Variants in HLA-DQB2 observed in about 807,000 individuals in gnomAD.
HLA-DQB2 encodes the protein major histocompatibility complex, class II, DQ beta 2.
Under a neutral mutation model 29.2 loss-of-function variants are expected in HLA-DQB2, and 24 were observed. The ratio of observed to expected loss-of-function variants is 0.82; its 90% CI spans 0.60 to 1.16. The LOEUF (loss-of-function observed/expected upper bound fraction) is 1.16, where lower values mean the gene tolerates loss of function less well. Ranked by LOEUF, HLA-DQB2 falls within the 50% of genes most tolerant of loss-of-function variation. The pLI, the probability that HLA-DQB2 is intolerant of heterozygous loss-of-function variation, is 0.00. For synonymous variants in HLA-DQB2, 104 were observed against 133.1 expected, an observed-to-expected ratio of 0.78 and a Z score of 1.51; for missense variants, 273 against 343.6, an observed-to-expected ratio of 0.79 and a Z score of 1.62.
intron 1 of HLA-DQB2, 91 bp from the exon 2 acceptor site, chr6:32,762,017 C>T: frequency 6.6e-7 from 1 of 1,504,228 alleles, no homozygotes; most frequent in Admixed American, 2.2e-5. Flanking sequence ...CTGCCCTGAC[C>T]CGGCCAGCAG....
chr6:32,762,594 T>C (rs1764950543), intron 1 of HLA-DQB2, among the ~76,000 whole-genome samples: 1 of 141,184 alleles, frequency 7.1e-6, no homozygotes, highest in Non-Finnish European at 1.6e-5. Flanking sequence ...CCAATTAAAC[T>C]GAGTCAATCA....
Position 32,761,798 on chromosome 6 carries a change from G to A in HLA-DQB2, c.226C>T (p.Gln76Ter). The A allele has an allele frequency of 6.3e-7, 1 of 1,596,264 alleles. No homozygotes were observed. Among genetic ancestry groups the A allele is most frequent in the Admixed American group, 1.7e-5 (1 of 57,710 alleles). Residue 76 changes from glutamine to a stop codon, truncating the protein, a stop_gained, in exon 2 of 6, where the codon CAG becomes TAG. Transcript: ENST00000437316. LOFTEE classifies it high-confidence loss of function. Reference sequence around the variant, plus strand: ...CTCCGCCCCAGCTCGGTCACCGCCTGGAACTCCCCAACGTCGCTGTCGAAG... The same window carrying A: ...CTCCGCCCCAGCTCGGTCACCGCCTAGAACTCCCCAACGTCGCTGTCGAAG... ...GRFDSDVGEF[Q>*]AVTELGRSIE...
chr6:32,759,265 C>T, intron 2 of HLA-DQB2, 134 bp from the exon 3 acceptor site: 1 of 894,794 alleles, frequency 1.1e-6, no homozygotes. Flanking sequence ...ATTAAGGTTC[C>T]TTCAACAAAT....
chr6:32,761,618 C>T (rs1486719246), intron 2 of HLA-DQB2, 42 bp downstream of exon 2: 15 of 1,515,000 alleles, frequency 9.9e-6, no homozygotes, highest in Non-Finnish European at 1.3e-5. Context: ...AGACTCGGGC[C>T]CCGGCCAAGG....
intron 5 of HLA-DQB2, 60 bp downstream of exon 5, chr6:32,757,221 T>C (rs771853713): frequency 7.1e-6 from 11 of 1,549,562 alleles, no homozygotes; most frequent in Middle Eastern, 1.7e-4. Context: ...GGTTTCACCA[T>C]GGCTCTTCCC....
Position 32,757,890 on chromosome 6 carries a change from A to C in HLA-DQB2, c.647-7T>G. 1 of 1,546,244 alleles carries C rather than the reference A, an allele frequency of 6.5e-7. No homozygotes were observed. On this transcript the variant is annotated splice_polypyrimidine_tract_variant and splice_region_variant and intron_variant, in intron 3 of 5. Coordinates refer to ENST00000437316, the MANE Select transcript of HLA-DQB2 (RefSeq NM_001300790.2). ...GCAGATTCAGACTGAGCCCCTAAGG[A>C]GCAGAACTGAGTGTGAGTGTTTGTC...
At chr6:32,757,127 C>A in intron 5 of HLA-DQB2, 154 bp downstream of exon 5, 2 of 1,459,058 alleles carry the variant, frequency 1.4e-6, no homozygotes, top group Non-Finnish European at 1.8e-6. Context: ...TCAAGTGATT[C>A]TCTTGCCTCA....
At chr6:32,760,357 T>C (rs1056970426) in intron 2 of HLA-DQB2, among the ~76,000 whole-genome samples, 9 of 151,944 alleles carry the variant, frequency 5.9e-5, no homozygotes, top group Non-Finnish European at 8.8e-5. Flanking sequence ...AGACGAGTAT[T>C]GAAGAACATA....
rs1191168027 is a variant in HLA-DQB2 at position 32,756,186 on chromosome 6, G to A, written c.*267C>T. On this transcript the variant is annotated 3_prime_UTR_variant, in exon 6 of 6. Coordinates refer to ENST00000437316, the MANE Select transcript of HLA-DQB2 (RefSeq NM_001300790.2). ...CATGCTTCTCTTGACAGGTCTGTGG[G>A]GGGAGAATGGAAACAGAGATGCCCC... The A allele has an allele frequency of 3.9e-6, 2 of 508,130 alleles. No individual in the cohort carries two copies. Among genetic ancestry groups the A allele is most frequent in the Non-Finnish European group, 3.5e-6 (1 of 287,304 alleles). The allele number at this position is 508,130 out of a possible 1,614,324, so 31.5% of individuals were successfully genotyped here.
intron 5 of HLA-DQB2, chr6:32,756,965 A>C: frequency 8.1e-7 from 1 of 1,240,046 alleles, no homozygotes; most frequent in African/African-American, 1.5e-5. Context: ...TAACCCTCAT[A>C]GCAGCAAACA....
chr6:32,761,942 G>A lies in HLA-DQB2; in HGVS notation c.98-16C>T. ...AAGAAATCCTCTGCGGAGAATCACG[G>A]CGGGTCAGTCAGGCCCCAGCACGGC... On this transcript the variant is annotated splice_polypyrimidine_tract_variant and intron_variant, in intron 1 of 5. Transcript: ENST00000437316. 4.4e-6 allele frequency: 7 copies of A among 1,595,260 alleles called. No individual in the cohort carries two copies. Among genetic ancestry groups the A allele is most frequent in the Non-Finnish European group, 6.0e-6 (7 of 1,171,688 alleles).
intron 5 of HLA-DQB2, 46 bp from the exon 6 acceptor site, chr6:32,756,512 G>A: frequency 6.4e-7 from 1 of 1,560,148 alleles, no homozygotes; most frequent in Non-Finnish European, 8.7e-7. Context: ...TACCCTGAGG[G>A]ACACACCCTC....
chr6:32,757,646 C>A, intron 4 of HLA-DQB2, 127 bp downstream of exon 4: 1 of 915,938 alleles, frequency 1.1e-6, no homozygotes, highest in Non-Finnish European at 1.7e-6. Context: ...CTCCTCCAAT[C>A]TTGTCCTGTC....
In HLA-DQB2 at chr6:32,757,914, T is replaced by TCCCCACAC. The variant is rs774026196; in HGVS notation, c.647-39_647-32dup. ...GAGCAGAACTGAGTGTGAGTGTTTGTCCCCACACCCCATAATGTCCTTGGT... is the reference window on the plus strand; with the variant it reads ...GAGCAGAACTGAGTGTGAGTGTTTGTCCCCACACCCCCACACCCCATAATGTCCTTGGT... On this transcript the variant is annotated intron_variant, in intron 3 of 5. Coordinates refer to ENST00000437316, the MANE Select transcript of HLA-DQB2 (RefSeq NM_001300790.2). 5.0e-6 allele frequency: 8 copies of TCCCCACAC among 1,584,462 alleles called. No homozygotes were observed. In the South Asian group the frequency reaches 9.1e-5, roughly 18 times the overall value.
intron 5 of HLA-DQB2, 122 bp downstream of exon 5, chr6:32,757,159 A>T: frequency 6.7e-7 from 1 of 1,494,602 alleles, no homozygotes; most frequent in Non-Finnish European, 9.1e-7. Context: ...AGCCGGGATT[A>T]CAGATGCACA....
In HLA-DQB2 at chr6:32,759,024, A is replaced by T; in HGVS notation, c.472T>A (p.Trp158Arg). The T allele has an allele frequency of 6.2e-7, 1 of 1,614,250 alleles. No homozygotes were observed. The highest frequency in any genetic ancestry group is 1.3e-5 in the African/African-American group (1 of 75,072). ...DFYPAQIKVR[W>R]FRNDQEETAG... ...GTCTCCTCCTGGTCATTCCGAAACCACCGGACTTTGATCTGGGCTGGATAG... is the reference window on the plus strand; with the variant it reads ...GTCTCCTCCTGGTCATTCCGAAACCTCCGGACTTTGATCTGGGCTGGATAG... Residue 158 changes from tryptophan to arginine, a missense_variant, in exon 3 of 6, where the codon TGG becomes AGG. Physicochemically the swap from Trp to Arg is moderately radical, Grantham distance 101. Transcript: ENST00000437316.
In HLA-DQB2 at chr6:32,756,118, T is replaced by G; in HGVS notation, c.*335A>C. 1 of 365,334 alleles carries G rather than the reference T, an allele frequency of 2.7e-6. No individual in the cohort carries two copies. 22.6% of individuals were successfully genotyped at this position (365,334 alleles called of 1,614,324 possible). On this transcript the variant is annotated 3_prime_UTR_variant, in exon 6 of 6. Coordinates refer to ENST00000437316, the MANE Select transcript of HLA-DQB2 (RefSeq NM_001300790.2). The stretch of plus-strand genomic sequence containing the variant: ...ACAGATAACTCAGAATCAGGTTTAA[T>G]TATGGGAAAAAGCACTAAAGTCAGG...
At chr6:32,756,843 G>T in intron 5 of HLA-DQB2, 1 of 1,184,868 alleles carries the variant, frequency 8.4e-7, no homozygotes, top group Non-Finnish European at 1.0e-6. Context: ...TCACATTCAA[G>T]ATGTGGCTCT....
Position 32,757,513 on chromosome 6 carries a change from T to C in HLA-DQB2, c.758-209A>G, listed in dbSNP as rs112575584. On this transcript the variant is annotated intron_variant, in intron 4 of 5. Coordinates refer to ENST00000437316, the MANE Select transcript of HLA-DQB2 (RefSeq NM_001300790.2). ...GAGGCCGAGGCTCTGACCCTCATAA[T>C]GGAGGAAGCTTTTAGAAAGGAGCCA... 3.0e-3 allele frequency among the ~76,000 whole-genome samples: 454 copies of C among 152,302 alleles called. 1 individual carries two copies. The highest frequency in any genetic ancestry group is 0.01 in the African/African-American group (430 of 41,568).
Sources: gnomAD v4.1 joint callset for allele counts (sites outside exome capture counted in the v4.1 genomes callset) on GRCh38, gnomAD v4.1.1 for gene constraint, MANE v1.5 for transcripts, NCBI Gene and HGNC (gene_info 2026-07-23, HGNC 2026-07-21) for gene names.